The following ME1 variants were observed in gnomAD, a reference collection of about 807,000 sequenced individuals.
ME1 encodes NADP-dependent malic enzyme.
ME1 carries 74 observed loss-of-function variants against 66.4 expected under a neutral mutation model. The observed-to-expected ratio is 1.11, with a 90% confidence interval of 0.92 to 1.35. The LOEUF (loss-of-function observed/expected upper bound fraction) is 1.35, where lower values mean the gene tolerates loss of function less well. Among genes scored for constraint, ME1 ranks in the 40% most tolerant of loss-of-function variants. The pLI, the probability that ME1 is intolerant of heterozygous loss-of-function variation, is 0.00. For synonymous variants in ME1, 251 were observed against 235.6 expected (o/e 1.07, Z -0.60); for missense variants, 750 against 694.1 (o/e 1.08, Z -0.90).
At chr6:83,321,608 C>T (rs998010195) in intron 5 of ME1, among the ~76,000 whole-genome samples, 4 of 152,166 alleles carry the variant, frequency 2.6e-5, no homozygotes, top group Non-Finnish European at 4.4e-5. Flanking sequence ...TAGATTCCTC[C>T]TCTCTGGGCA....
intron 6 of ME1, among the ~76,000 whole-genome samples, chr6:83,304,314 C>T (rs559027213): frequency 5.9e-5 from 9 of 152,248 alleles, no homozygotes; most frequent in African/African-American, 2.2e-4. Flanking sequence ...TCTAAACTTC[C>T]TGAGCTGAGA....
intron 3 of ME1, among the ~76,000 whole-genome samples, chr6:83,369,798 G>A (rs1009337617): frequency 3.3e-5 from 5 of 151,858 alleles, no homozygotes; most frequent in Admixed American, 6.6e-5. Flanking sequence ...ATTCTTTCTC[G>A]GTTCAAAACT....
chr6:83,275,171 T>C (rs1311422537), intron 6 of ME1, among the ~76,000 whole-genome samples: 1 of 151,724 alleles, frequency 6.6e-6, no homozygotes, highest in Non-Finnish European at 1.5e-5. Context: ...CTGTCTCTAC[T>C]AAAAATACAA....
intron 1 of ME1, among the ~76,000 whole-genome samples, chr6:83,410,164 T>G (rs1770023075): frequency 6.6e-6 from 1 of 152,150 alleles, no homozygotes; most frequent in Non-Finnish European, 1.5e-5. Context: ...TTCTCCCTAG[T>G]GCTTACAACA....
intron 3 of ME1, among the ~76,000 whole-genome samples, chr6:83,395,150 C>T (rs901501390): frequency 6.6e-6 from 1 of 151,562 alleles, no homozygotes; most frequent in African/African-American, 2.4e-5. Context: ...AGTGCAGTAG[C>T]AATCTCAGCT....
intron 5 of ME1, among the ~76,000 whole-genome samples, chr6:83,334,281 G>A (rs556474667): frequency 3.3e-4 from 45 of 135,780 alleles, no homozygotes; most frequent in African/African-American, 1.2e-3. Flanking sequence ...GGCGCACCAC[G>A]AGACTATATC....
At chr6:83,333,254 A>G (rs1377241081) in intron 5 of ME1, among the ~76,000 whole-genome samples, 1 of 152,334 alleles carries the variant, frequency 6.6e-6, no homozygotes, top group South Asian at 2.1e-4. Flanking sequence ...TAAGTGTAAA[A>G]TATGCAGAGA....
Position 83,278,750 on chromosome 6 carries a change from T to C in ME1, c.705-25012A>G, listed in dbSNP as rs541903791. Among the ~76,000 whole-genome samples the C allele has an allele frequency of 4.1e-4, 63 of 152,292 alleles. 1 individual carries two copies. The South Asian group carries it at 0.013, about 31-fold the overall frequency. On this transcript the variant is annotated intron_variant, in intron 6 of 13. Coordinates refer to ENST00000369705, the MANE Select transcript of ME1 (RefSeq NM_002395.6). Reference sequence around the variant, plus strand: ...CCAGAATTACAGGCATGAGCCACTATGCCAAGCCTATTTATCATTTTTTAA... The same window carrying C: ...CCAGAATTACAGGCATGAGCCACTACGCCAAGCCTATTTATCATTTTTTAA...
intron 6 of ME1, among the ~76,000 whole-genome samples, chr6:83,266,298 A>G (rs553192861): frequency 6.6e-6 from 1 of 152,332 alleles, no homozygotes; most frequent in East Asian, 1.9e-4. Flanking sequence ...AGAGTAATGG[A>G]AATCCATGCA....
chr6:83,298,187 A>G (rs1767638122), intron 6 of ME1, among the ~76,000 whole-genome samples: 1 of 152,182 alleles, frequency 6.6e-6, no homozygotes, highest in Admixed American at 6.5e-5. Flanking sequence ...CAATAGTGTA[A>G]AAGAGTTCCT....
intron 6 of ME1, among the ~76,000 whole-genome samples, chr6:83,308,825 A>C (rs1583371482): frequency 6.6e-6 from 1 of 152,014 alleles, no homozygotes; most frequent in Admixed American, 6.6e-5. Context: ...AAATGTATGA[A>C]AAGAGGAAAG....
At chr6:83,246,830 G>A (rs904294328) in intron 7 of ME1, among the ~76,000 whole-genome samples, 8 of 152,056 alleles carry the variant, frequency 5.3e-5, no homozygotes, top group African/African-American at 1.9e-4. Context: ...TACCATCAAT[G>A]GATGCGAGTG....
At chr6:83,252,003 G>A (rs989661931) in intron 7 of ME1, among the ~76,000 whole-genome samples, 42 of 152,318 alleles carry the variant, frequency 2.8e-4, no homozygotes, top group African/African-American at 9.9e-4. Context: ...AGTAAATGTG[G>A]ATAGATTACT....
intron 3 of ME1, among the ~76,000 whole-genome samples, chr6:83,390,921 T>C (rs1562000385): frequency 6.6e-6 from 1 of 152,076 alleles, no homozygotes; most frequent in Admixed American, 6.6e-5. Flanking sequence ...TATAAGTTTA[T>C]ATATATGTAA....
intron 1 of ME1, among the ~76,000 whole-genome samples, chr6:83,409,704 G>A (rs575745984): frequency 1.2e-4 from 18 of 152,180 alleles, no homozygotes; most frequent in East Asian, 3.9e-4. Flanking sequence ...CTGCAAGAGC[G>A]GGCTGGGACC....
chr6:83,350,677 T>G (rs1348595451), intron 4 of ME1, among the ~76,000 whole-genome samples: 1 of 151,396 alleles, frequency 6.6e-6, no homozygotes, highest in East Asian at 1.9e-4. Flanking sequence ...AGAAATGGAG[T>G]CTCACTATGT....
intron 3 of ME1, among the ~76,000 whole-genome samples, chr6:83,372,240 T>C (rs1769204029): frequency 1.3e-5 from 2 of 152,164 alleles, no homozygotes; most frequent in South Asian, 4.1e-4. Flanking sequence ...CCATAAAATA[T>C]GACAGAAGTA....
intron 5 of ME1, among the ~76,000 whole-genome samples, chr6:83,326,881 C>T (rs1169519285): frequency 1.3e-5 from 2 of 152,162 alleles, no homozygotes; most frequent in African/African-American, 2.4e-5. Flanking sequence ...AATCCCATTA[C>T]TGGGTATATA....
intron 5 of ME1, among the ~76,000 whole-genome samples, chr6:83,319,182 T>C (rs1358459336): frequency 5.3e-5 from 8 of 150,122 alleles, no homozygotes; most frequent in South Asian, 2.1e-4. Context: ...AGGGATAGCA[T>C]TGGGAGATAT....
Sources: allele counts gnomAD v4.1 joint callset (sites outside exome capture counted in the v4.1 genomes callset), GRCh38; gene constraint gnomAD v4.1.1; transcripts MANE v1.5; gene names NCBI Gene and HGNC (gene_info 2026-07-23, HGNC 2026-07-21).